The following TFPI variants were observed in gnomAD, a reference collection of about 807,000 sequenced individuals.
The protein encoded by TFPI is tissue factor pathway inhibitor, also known as anti-convertin.
Under a neutral mutation model 34.6 loss-of-function variants are expected in TFPI, and 15 were observed. The observed-to-expected ratio is 0.43, with a 90% CI of 0.29 to 0.67. The LOEUF (loss-of-function observed/expected upper bound fraction) is 0.67. Among genes scored for constraint, TFPI ranks in the 30% least tolerant of loss-of-function variants. The pLI, the probability that TFPI is intolerant of heterozygous loss-of-function variation, is 0.15. For synonymous variants in TFPI, 105 were observed against 120.1 expected, an observed-to-expected ratio of 0.87 and a Z score of 0.82; for missense variants, 301 against 364.0, an observed-to-expected ratio of 0.83 and a Z score of 1.41.
At chr2:187,524,505 A>G (rs539890355) in intron 1 of TFPI, among the ~76,000 whole-genome samples, 1 of 151,954 alleles carries the variant, frequency 6.6e-6, no homozygotes, top group Non-Finnish European at 1.5e-5. Context: ...AGGATTCACA[A>G]CTCTGTGTTC....
chr2:187,480,292 G>A (rs1480577275), intron 6 of TFPI, among the ~76,000 whole-genome samples: 1 of 151,968 alleles, frequency 6.6e-6, no homozygotes, highest in Non-Finnish European at 1.5e-5. Flanking sequence ...TGAATTAAGT[G>A]TATTACTCTG....
intron 1 of TFPI, among the ~76,000 whole-genome samples, chr2:187,522,267 C>G (rs1397753406): frequency 1.3e-5 from 2 of 151,880 alleles, no homozygotes; most frequent in Admixed American, 1.3e-4. Flanking sequence ...GTCTCATATT[C>G]AAAAAATCAT....
At chr2:187,510,659 A>G (rs1686559748) in intron 1 of TFPI, among the ~76,000 whole-genome samples, 1 of 152,170 alleles carries the variant, frequency 6.6e-6, no homozygotes, top group African/African-American at 2.4e-5. Context: ...TATGTCATCT[A>G]TAGATTCCAG....
At chr2:187,496,343 G>A (rs1685476589) in intron 3 of TFPI, among the ~76,000 whole-genome samples, 3 of 152,090 alleles carry the variant, frequency 2.0e-5, no homozygotes, top group African/African-American at 7.2e-5. Flanking sequence ...AGAGTATAGC[G>A]ATGAGACCAT....
chr2:187,480,651 G>GA (rs1692786149), intron 6 of TFPI, among the ~76,000 whole-genome samples: 1 of 152,054 alleles, frequency 6.6e-6, no homozygotes. Context: ...CACATTTAGG[G>GA]AAATTGCTTT....
intron 1 of TFPI, among the ~76,000 whole-genome samples, chr2:187,539,217 T>G (rs1042392600): frequency 6.6e-6 from 1 of 152,146 alleles, no homozygotes; most frequent in Non-Finnish European, 1.5e-5. Context: ...GAGAAATATT[T>G]TACAGAGTGT....
chr2:187,537,418 C>T (rs1276571156), intron 1 of TFPI, among the ~76,000 whole-genome samples: 2 of 152,100 alleles, frequency 1.3e-5, no homozygotes, highest in Non-Finnish European at 1.5e-5. Context: ...AGAACAGAGG[C>T]CTCAGAGATA....
At chr2:187,513,258 G>A (rs956520430) in intron 1 of TFPI, among the ~76,000 whole-genome samples, 4 of 151,664 alleles carry the variant, frequency 2.6e-5, no homozygotes, top group African/African-American at 9.7e-5. Context: ...AAACACAACG[G>A]GTTTTTTCTT....
intron 1 of TFPI, among the ~76,000 whole-genome samples, chr2:187,551,125 C>T (rs1029627600): frequency 6.6e-6 from 1 of 152,084 alleles, no homozygotes; most frequent in African/African-American, 2.4e-5. Context: ...GTTGAAATAG[C>T]TTTCTTATGC....
chr2:187,489,071 T>C (rs1684923281), intron 3 of TFPI, among the ~76,000 whole-genome samples: 1 of 151,492 alleles, frequency 6.6e-6, no homozygotes, highest in Non-Finnish European at 1.5e-5. Context: ...CGCATAGACA[T>C]TAGGAAAGTT....
At chr2:187,511,005 C>G (rs1686589409) in intron 1 of TFPI, among the ~76,000 whole-genome samples, 1 of 152,202 alleles carries the variant, frequency 6.6e-6, no homozygotes, top group Admixed American at 6.5e-5. Context: ...CAAGGCAGCC[C>G]CTTAGGCAGC....
intron 1 of TFPI, chr2:187,517,944 C>G (rs1687120338): frequency 6.6e-6 from 1 of 152,158 alleles, no homozygotes; most frequent in Admixed American, 6.5e-5. Context: ...CCTGTTTTAT[C>G]AGAGACTGGG....
intron 1 of TFPI, among the ~76,000 whole-genome samples, chr2:187,553,696 G>A (rs1689174934): frequency 6.6e-6 from 1 of 152,100 alleles, no homozygotes; most frequent in Non-Finnish European, 1.5e-5. Flanking sequence ...ATTAGTTAAT[G>A]CTGGCATAAA....
At chr2:187,529,830 C>T (rs1687868433) in intron 1 of TFPI, among the ~76,000 whole-genome samples, 1 of 152,190 alleles carries the variant, frequency 6.6e-6, no homozygotes, top group Non-Finnish European at 1.5e-5. Context: ...TTCCTTTCCA[C>T]ATAGCTATAG....
chr2:187,534,901 A>AT (rs927124874), intron 1 of TFPI, among the ~76,000 whole-genome samples: 2 of 151,744 alleles, frequency 1.3e-5, no homozygotes, highest in South Asian at 2.1e-4. Context: ...AAGCAAAAAA[A>AT]AAAATAAAAA....
intron 3 of TFPI, among the ~76,000 whole-genome samples, chr2:187,489,933 A>G (rs1169140632): frequency 6.6e-6 from 1 of 151,604 alleles, no homozygotes; most frequent in Non-Finnish European, 1.5e-5. Context: ...TTAGATTTAG[A>G]CAGGACGAAG....
At chr2:187,529,665 A>G (rs1302581933) in intron 1 of TFPI, among the ~76,000 whole-genome samples, 2 of 152,104 alleles carry the variant, frequency 1.3e-5, no homozygotes, top group Non-Finnish European at 2.9e-5. Flanking sequence ...GGGAAACACA[A>G]CTCAGAGCAG....
chr2:187,492,753 G>T (rs1685206053), intron 3 of TFPI, among the ~76,000 whole-genome samples: 1 of 151,924 alleles, frequency 6.6e-6, no homozygotes, highest in Non-Finnish European at 1.5e-5. Flanking sequence ...TGGAACAGCT[G>T]TATTTACCCA....
At chr2:187,536,413 TG>T (rs1688258673) in intron 1 of TFPI, among the ~76,000 whole-genome samples, 1 of 152,242 alleles carries the variant, frequency 6.6e-6, no homozygotes, top group Admixed American at 6.5e-5. Context: ...ATCCCTGGGA[TG>T]CAAGGCTGGT....
Sources: gnomAD v4.1 joint callset for allele counts (sites outside exome capture counted in the v4.1 genomes callset) on GRCh38, gnomAD v4.1.1 for gene constraint, MANE v1.5 for transcripts, NCBI Gene and HGNC (gene_info 2026-07-23, HGNC 2026-07-21) for gene names.